Variants in NALF1 observed in about 807,000 individuals in gnomAD.
The protein encoded by NALF1 is family with sequence similarity 155 member A.
NALF1 carries 3 observed loss-of-function variants against 48.4 expected under a neutral mutation model. The observed-to-expected ratio is 0.06, with a 90% confidence interval of 0.03 to 0.16. The LOEUF (loss-of-function observed/expected upper bound fraction) is 0.16, where lower values mean the gene tolerates loss of function less well. Among genes scored for constraint, NALF1 ranks in the 10% least tolerant of loss-of-function variants. NALF1 has a pLI of 1.00. For synonymous variants in NALF1, 262 were observed against 245.7 expected (o/e 1.07, Z -0.62); for missense variants, 526 against 571.5 (o/e 0.92, Z 0.81).
At chr13:107,650,703 T>C (rs1347744917) in intron 1 of NALF1, among the ~76,000 whole-genome samples, 2 of 152,072 alleles carry the variant, frequency 1.3e-5, no homozygotes, top group Non-Finnish European at 2.9e-5. Flanking sequence ...AACCAAATGC[T>C]ACCTGTACCC....
Position 107,587,775 on chromosome 13 carries a change from GATTA to G in NALF1, c.915+277903_915+277906del, listed in dbSNP as rs914379224. Among the ~76,000 whole-genome samples, 325 of 152,236 alleles carry G rather than the reference GATTA, an allele frequency of 2.1e-3. 3 individuals carry two copies. The highest frequency in any genetic ancestry group is 7.5e-3 in the African/African-American group (310 of 41,566). On this transcript the variant is annotated intron_variant, in intron 1 of 2. Coordinates refer to ENST00000375915, the MANE Select transcript of NALF1 (RefSeq NM_001080396.3). ...TGACTAACTTATTATTTTTTTATTA[GATTA>G]ATTGTTGTCCATAATTTTGTTTTCA...
chr13:107,227,862 C>T (rs1880136794), intron 1 of NALF1, among the ~76,000 whole-genome samples: 3 of 152,132 alleles, frequency 2.0e-5, no homozygotes, highest in South Asian at 2.1e-4. Context: ...TAACTATATA[C>T]ATATCAGAAA....
At chr13:107,476,788 C>T (rs139627758) in intron 1 of NALF1, among the ~76,000 whole-genome samples, 3 of 152,104 alleles carry the variant, frequency 2.0e-5, no homozygotes, top group African/African-American at 7.2e-5. Flanking sequence ...TCTCTGGCAG[C>T]AGAGACAACC....
intron 1 of NALF1, among the ~76,000 whole-genome samples, chr13:107,817,614 C>G (rs751151475): frequency 1.3e-5 from 2 of 152,104 alleles, no homozygotes; most frequent in Non-Finnish European, 2.9e-5. Context: ...GCCTTTTCAC[C>G]TCTTTTTAAA....
chr13:107,354,069 T>C (rs1882920732), intron 1 of NALF1, among the ~76,000 whole-genome samples: 1 of 152,172 alleles, frequency 6.6e-6, no homozygotes, highest in Non-Finnish European at 1.5e-5. Context: ...CTGAGTCCCC[T>C]CAACATCAAA....
intron 1 of NALF1, among the ~76,000 whole-genome samples, chr13:107,257,230 G>A (rs1880834737): frequency 6.6e-6 from 1 of 152,128 alleles, no homozygotes. Flanking sequence ...ATTACAATTC[G>A]AGATGAGATT....
At chr13:107,486,777 T>G (rs1056025949) in intron 1 of NALF1, among the ~76,000 whole-genome samples, 1 of 152,230 alleles carries the variant, frequency 6.6e-6, no homozygotes, top group Non-Finnish European at 1.5e-5. Context: ...TCCCTTCTTT[T>G]CATATAATAT....
intron 1 of NALF1, among the ~76,000 whole-genome samples, chr13:107,534,996 G>C (rs1166851120): frequency 3.3e-5 from 5 of 152,074 alleles, no homozygotes; most frequent in African/African-American, 1.2e-4. Flanking sequence ...TTCTGTTATT[G>C]CTGTATAAGA....
At chr13:107,192,164 G>A (rs1879296604) in intron 2 of NALF1, among the ~76,000 whole-genome samples, 1 of 152,100 alleles carries the variant, frequency 6.6e-6, no homozygotes. Flanking sequence ...TTAAATAATT[G>A]ACAAAATGAT....
chr13:107,636,408 T>G (rs1879977757), intron 1 of NALF1, among the ~76,000 whole-genome samples: 1 of 152,180 alleles, frequency 6.6e-6, no homozygotes, highest in African/African-American at 2.4e-5. Flanking sequence ...GGAACATTTC[T>G]TCATTGTATG....
rs555792796 is a variant in NALF1 at position 107,583,545 on chromosome 13, T to C, written c.915+282137A>G. ...AAGACTATTACAATGGCTATTGTGA[T>C]TTTAAGACCAGTTTCAAGATGTGAA... On this transcript the variant is annotated intron_variant, in intron 1 of 2. Transcript: ENST00000375915. 1.6e-3 allele frequency among the ~76,000 whole-genome samples: 237 copies of C among 152,270 alleles called. 1 individual carries two copies. Among genetic ancestry groups the C allele is most frequent in the African/African-American group, 5.4e-3 (223 of 41,566 alleles).
At chr13:107,242,980 C>T (rs1172399953) in intron 1 of NALF1, among the ~76,000 whole-genome samples, 3 of 152,142 alleles carry the variant, frequency 2.0e-5, no homozygotes, top group Non-Finnish European at 2.9e-5. Flanking sequence ...CCAAGCCACC[C>T]TCCCTCTCAG....
intron 1 of NALF1, among the ~76,000 whole-genome samples, chr13:107,352,386 C>T (rs1882893424): frequency 6.6e-6 from 1 of 152,152 alleles, no homozygotes; most frequent in South Asian, 2.1e-4. Flanking sequence ...TGTTATTTCT[C>T]AACAGTGTCG....
In NALF1 at chr13:107,865,769, C is replaced by T. The variant is rs1385151016; in HGVS notation, c.828G>A (p.Gln276=). 6.2e-7 allele frequency: 1 copy of T among 1,614,132 alleles called. No homozygotes were observed. The highest frequency in any genetic ancestry group is 8.5e-7 in the Non-Finnish European group (1 of 1,180,042). ...EAYQDYDHHA[Q]EKYEEFESVL... is the part of the protein sequence containing the mutation. ...CGCTTTCAAACTCTTCGTATTTCTC[C>T]TGAGCATGGTGGTCATAGTCCTGGT... Residue 276 remains glutamine, a synonymous_variant, in exon 1 of 3, where the codon CAG becomes CAA. Coordinates refer to ENST00000375915, the MANE Select transcript of NALF1 (RefSeq NM_001080396.3).
In NALF1 at chr13:107,391,205, CCTT is replaced by C. The variant is rs1883621695; in HGVS notation, c.916-180453_916-180451del. 2.6e-5 allele frequency among the ~76,000 whole-genome samples: 4 copies of C among 152,084 alleles called. No individual in the cohort carries two copies. In the South Asian group the frequency reaches 8.3e-4, roughly 32 times the overall value. ...AGATGGGTCCCTGGAAGCACCTCCTCCTTCTCAGATGATAGAAAACTGCTGAGG... is the reference window on the plus strand; with the variant it reads ...AGATGGGTCCCTGGAAGCACCTCCTCCTCAGATGATAGAAAACTGCTGAGG... On this transcript the variant is annotated intron_variant, in intron 1 of 2. Coordinates refer to ENST00000375915, the MANE Select transcript of NALF1 (RefSeq NM_001080396.3).
chr13:107,377,001 G>A (rs4772877), intron 1 of NALF1, among the ~76,000 whole-genome samples: 53,133 of 151,950 alleles, frequency 0.35, 9,508 homozygotes, highest in Middle Eastern at 0.44. Flanking sequence ...AATGCCAACC[G>A]ATTTCTCTGT....
chr13:107,652,821 C>T (rs1313467210), intron 1 of NALF1, among the ~76,000 whole-genome samples: 2 of 152,144 alleles, frequency 1.3e-5, no homozygotes, highest in Admixed American at 1.3e-4. Flanking sequence ...CTTATGTTAT[C>T]AGTAAAGGCC....
chr13:107,185,582 C>A (rs1470094115), intron 2 of NALF1, among the ~76,000 whole-genome samples: 2 of 151,960 alleles, frequency 1.3e-5, no homozygotes, highest in Non-Finnish European at 2.9e-5. Flanking sequence ...ATCAATATCA[C>A]CAATATTGAG....
intron 1 of NALF1, among the ~76,000 whole-genome samples, chr13:107,797,236 C>T (rs1230907351): frequency 2.0e-5 from 3 of 152,140 alleles, no homozygotes; most frequent in Non-Finnish European, 2.9e-5. Context: ...GACGGAGTCT[C>T]GCTCTGTCAC....
Sources: allele counts gnomAD v4.1 joint callset (sites outside exome capture counted in the v4.1 genomes callset), GRCh38; gene constraint gnomAD v4.1.1; transcripts MANE v1.5; gene names NCBI Gene and HGNC (gene_info 2026-07-23, HGNC 2026-07-21).